LIN52: variants seen among roughly 807,000 people sequenced by gnomAD.
LIN52 encodes the protein protein lin-52 homolog.
LIN52 carries 4 observed loss-of-function variants against 18.5 expected under a neutral mutation model. The observed-to-expected ratio is 0.22, with a 90% CI of 0.11 to 0.49. The LOEUF is 0.49. Among genes scored for constraint, LIN52 ranks in the 20% least tolerant of loss-of-function variants. The pLI is 0.97. For synonymous variants in LIN52, 34 were observed against 45.5 expected, an observed-to-expected ratio of 0.75 and a Z score of 1.02; for missense variants, 102 against 139.5, an observed-to-expected ratio of 0.73 and a Z score of 1.35.
At position 74,132,616 on chromosome 14, in the gene LIN52, C is replaced by T. The variant is rs1212474393; in HGVS notation, c.283+31378C>T. Among the ~76,000 whole-genome samples the T allele has an allele frequency of 2.6e-5, 4 of 152,218 alleles. No homozygotes were observed. The East Asian group carries it at 7.7e-4, about 29-fold the overall frequency. ...CTCCGCCTCCCCGGCTTAAGCAATT[C>T]TCCTGCCTCAGCCTCCCGAGTAGCT... On this transcript the variant is annotated intron_variant, in intron 5 of 5. Coordinates refer to ENST00000555028, the MANE Select transcript of LIN52 (RefSeq NM_001024674.3).
chr14:74,156,596 G>T (rs573153710), intron 5 of LIN52, among the ~76,000 whole-genome samples: 45 of 152,220 alleles, frequency 3.0e-4, no homozygotes, highest in Admixed American at 2.2e-3. Context: ...GATCAAATCA[G>T]GGTAACTAGT....
rs564866008 is a variant in LIN52, at chr14:74,201,265, G to A, written c.*2288G>A. ...GGTGAGTTTTTCCTCAGAGGGCCGA[G>A]TTGGATATTTAAAGCACAGACCTCC... On this transcript the variant is annotated 3_prime_UTR_variant, in exon 6 of 6. Transcript: ENST00000555028. 3 of 152,250 alleles carry A rather than the reference G, an allele frequency of 2.0e-5. No individual in the cohort carries two copies. The South Asian group carries it at 6.2e-4, about 32-fold the overall frequency. The allele number at this position is 152,250 out of a possible 1,614,324, so 9.4% of individuals were successfully genotyped here. A position where few individuals can be genotyped will look rare whatever the true frequency, so the allele number is the denominator to read the frequency against.
At chr14:74,198,871 T>C (rs769541093) in intron 5 of LIN52, 51 bp from the exon 6 acceptor site, 1 of 1,327,606 alleles carries the variant, frequency 7.5e-7, no homozygotes, top group South Asian at 1.2e-5. Flanking sequence ...CTATGATTCT[T>C]TTTTCCGATT....
intron 1 of LIN52, among the ~76,000 whole-genome samples, chr14:74,086,911 T>C (rs1173921135): frequency 1.3e-5 from 2 of 151,870 alleles, no homozygotes; most frequent in South Asian, 4.2e-4. Flanking sequence ...TTAAAAGTTA[T>C]TAAAATGGTA....
chr14:74,172,281 A>G (rs898071631), intron 5 of LIN52, among the ~76,000 whole-genome samples: 2 of 152,166 alleles, frequency 1.3e-5, no homozygotes, highest in Non-Finnish European at 2.9e-5. Flanking sequence ...AAGCCGTTAA[A>G]ACACAGGACC....
intron 5 of LIN52, among the ~76,000 whole-genome samples, chr14:74,164,275 C>T (rs2061239183): frequency 8.1e-6 from 1 of 122,914 alleles, no homozygotes; most frequent in Admixed American, 9.1e-5. Flanking sequence ...GCCACTGCGC[C>T]CAGCCGTTTT....
intron 5 of LIN52, among the ~76,000 whole-genome samples, chr14:74,190,389 C>CTTTTTTTTTTT (rs68037994): frequency 3.0e-4 from 32 of 106,306 alleles, no homozygotes; most frequent in East Asian, 1.4e-3. Context: ...GCCTAAATAA[C>CTTTTTTTTTTT]TTTTTTTTTT....
At chr14:74,116,570 G>A (rs2060966007) in intron 5 of LIN52, among the ~76,000 whole-genome samples, 3 of 152,048 alleles carry the variant, frequency 2.0e-5, no homozygotes, top group African/African-American at 4.8e-5. Flanking sequence ...GTCACTCGTA[G>A]TGGTGGACAC....
In LIN52 at chr14:74,144,227, A is replaced by T. The variant is rs188248273; in HGVS notation, c.283+42989A>T. Among the ~76,000 whole-genome samples the T allele has an allele frequency of 2.2e-3, 334 of 151,222 alleles. 2 individuals carry two copies. Among genetic ancestry groups the T allele is most frequent in the African/African-American group, 7.7e-3 (318 of 41,140 alleles). Reference sequence around the variant, plus strand: ...GCAGCTTCGACCCTGGGGTCAAGAGATCCTTCCGCCTCAGCCTCCCAAGTA... The same window carrying T: ...GCAGCTTCGACCCTGGGGTCAAGAGTTCCTTCCGCCTCAGCCTCCCAAGTA... On this transcript the variant is annotated intron_variant, in intron 5 of 5. Coordinates refer to ENST00000555028, the MANE Select transcript of LIN52 (RefSeq NM_001024674.3).
At chr14:74,174,553 A>C (rs1024599213) in intron 5 of LIN52, 2 of 152,094 alleles carry the variant, frequency 1.3e-5, no homozygotes, top group South Asian at 4.1e-4. Context: ...GTAGTGCGCT[A>C]TGCCAATCAG....
intron 4 of LIN52, among the ~76,000 whole-genome samples, chr14:74,099,222 T>C (rs1299447697): frequency 1.3e-5 from 2 of 152,120 alleles, no homozygotes; most frequent in Non-Finnish European, 2.9e-5. Context: ...GCTGAACATA[T>C]CAAGAAAGTC....
At chr14:74,151,408 A>G (rs182175524) in intron 5 of LIN52, among the ~76,000 whole-genome samples, 34 of 152,242 alleles carry the variant, frequency 2.2e-4, no homozygotes, top group Non-Finnish European at 4.7e-4. Context: ...TTTTCCTGTC[A>G]TATATTTAGG....
rs140768846 is a variant in LIN52, at chr14:74,088,204, C to T, written c.20-3028C>T. The stretch of plus-strand genomic sequence containing the variant: ...CTCCTGGGTTCAAGTAATTCTCATG[C>T]ATCAGCCTCTCCAGTAGCTGGGATA... On this transcript the variant is annotated intron_variant, in intron 1 of 5. Transcript: ENST00000555028. Among the ~76,000 whole-genome samples, 416 of 152,260 alleles carry T rather than the reference C, an allele frequency of 2.7e-3. 3 individuals carry two copies. The highest frequency in any genetic ancestry group is 9.8e-3 in the African/African-American group (406 of 41,530).
intron 5 of LIN52, among the ~76,000 whole-genome samples, chr14:74,130,295 T>TTTTTTTC (rs1315000657): frequency 7.1e-6 from 1 of 140,278 alleles, no homozygotes; most frequent in Non-Finnish European, 1.6e-5. Flanking sequence ...TTTTTTTTTT[T>TTTTTTTC]TGAGACAGTC....
rs536200100 is a variant in LIN52, at chr14:74,198,234, G to C, written c.284-688G>C. Among the ~76,000 whole-genome samples the C allele has an allele frequency of 2.2e-4, 33 of 152,328 alleles. 1 individual carries two copies. Among genetic ancestry groups the C allele is most frequent in the South Asian group, 1.0e-3 (5 of 4,820 alleles). ...TTACTTTCATTTTGGAGCCTTATAT[G>C]TAGGAAAGTAGCTGTATAAACCCAC... On this transcript the variant is annotated intron_variant, in intron 5 of 5. Transcript: ENST00000555028.
chr14:74,144,195 G>A (rs149426385), intron 5 of LIN52, among the ~76,000 whole-genome samples: 134 of 151,708 alleles, frequency 8.8e-4, no homozygotes, highest in Non-Finnish European at 1.5e-3. Flanking sequence ...TACAAACACG[G>A]CTCACTGCAG....
chr14:74,140,578 T>C (rs927697741), intron 5 of LIN52, among the ~76,000 whole-genome samples: 3 of 152,114 alleles, frequency 2.0e-5, no homozygotes, highest in Non-Finnish European at 2.9e-5. Context: ...ACCTGAAGTG[T>C]CCCCGGAGGA....
chr14:74,198,582 C>G (rs1311131054), intron 5 of LIN52, among the ~76,000 whole-genome samples: 1 of 152,112 alleles, frequency 6.6e-6, no homozygotes, highest in Admixed American at 6.5e-5. Context: ...AAGAGCAAAC[C>G]CCCTGAGATA....
At chr14:74,172,231 C>T (rs1460401858) in intron 5 of LIN52, among the ~76,000 whole-genome samples, 1 of 152,146 alleles carries the variant, frequency 6.6e-6, no homozygotes, top group South Asian at 2.1e-4. Flanking sequence ...AGTCTGTGAA[C>T]TCCTTTTACA....
Sources: allele counts gnomAD v4.1 joint callset (sites outside exome capture counted in the v4.1 genomes callset), GRCh38; gene constraint gnomAD v4.1.1; transcripts MANE v1.5; gene names NCBI Gene and HGNC (gene_info 2026-07-23, HGNC 2026-07-21).